Variants in MAMDC4 observed in about 807,000 individuals in gnomAD.
MAMDC4 encodes the protein apical endosomal glycoprotein.
A neutral mutation model predicts 153.3 loss-of-function variants in MAMDC4; 168 were observed. That is an observed-to-expected ratio of 1.10 (90% CI 0.97 to 1.25). MAMDC4 has a LOEUF of 1.25. Ranked by LOEUF, MAMDC4 falls within the 50% of genes most tolerant of loss-of-function variation. The pLI, the probability that MAMDC4 is intolerant of heterozygous loss-of-function variation, is 0.00. For synonymous variants in MAMDC4, 744 were observed against 651.5 expected (o/e 1.14, Z -2.16); for missense variants, 1,701 against 1,542.8 (o/e 1.10, Z -1.72).
chr9:136,852,459 C>G lies in MAMDC4; in HGVS notation c.43C>G (p.Leu15Val). The change falls in exon 1 of 27, where the codon CTG (leucine) becomes GTG (valine). Residue 15 changes from leucine to valine, a missense_variant. Transcript: ENST00000317446. ...SHLLPALVLF[L>V]AGSSGWAWVP... ...CCTGCTGCCCGCCTTGGTCCTGTTC[C>G]TGGGTAAGTAGTCTGGTCCCACTCC... 11 of 1,610,148 alleles carry G rather than the reference C, an allele frequency of 6.8e-6. No individual in the cohort carries two copies. The highest frequency in any genetic ancestry group is 9.3e-6 in the Non-Finnish European group (11 of 1,179,962).
chr9:136,856,349 G>T (rs764036805), intron 14 of MAMDC4, 200 bp downstream of exon 14: 8 of 973,186 alleles, frequency 8.2e-6, no homozygotes, highest in Non-Finnish European at 1.0e-5. Context: ...GGTGGACAAG[G>T]TCCTTCTAGG....
intron 10 of MAMDC4, 40 bp from the exon 11 acceptor site, chr9:136,855,210 AGGGG>A: frequency 6.3e-7 from 1 of 1,577,432 alleles, no homozygotes; most frequent in African/African-American, 1.4e-5. Context: ...ACCAGACCCC[AGGGG>A]GAAATAGGCT....
intron 12 of MAMDC4, 36 bp from the exon 13 acceptor site, chr9:136,855,694 CTG>C: frequency 6.4e-7 from 1 of 1,570,948 alleles, no homozygotes; most frequent in Non-Finnish European, 8.6e-7. Flanking sequence ...GCTGAGGACT[CTG>C]AGGACTCTGC....
Position 136,860,692 on chromosome 9 carries a change from C to T in MAMDC4, c.*89C>T. 1.4e-6 allele frequency: 2 copies of T among 1,420,882 alleles called. No individual in the cohort carries two copies. The highest frequency in any genetic ancestry group is 2.0e-6 in the Non-Finnish European group (2 of 1,011,948). The allele number at this position is 1,420,882 out of a possible 1,614,324, so 88.0% of individuals were successfully genotyped here. On this transcript the variant is annotated 3_prime_UTR_variant, in exon 27 of 27. Coordinates refer to ENST00000317446, the MANE Select transcript of MAMDC4 (RefSeq NM_206920.3). ...GGACCGGACACCTGCCCCGCCCAGG[C>T]TGGGACAGGCTGCAGGTCTCAGGAT...
Position 136,858,822 on chromosome 9 carries a change from C to T in MAMDC4, c.2925C>T (p.Phe975=), listed in dbSNP as rs1217245155. 2.5e-6 allele frequency: 4 copies of T among 1,610,462 alleles called. No homozygotes were observed. Among genetic ancestry groups the T allele is most frequent in the Non-Finnish European group, 3.4e-6 (4 of 1,178,792 alleles). Residue 975 remains phenylalanine, a synonymous_variant, in exon 23 of 27, where the codon TTC becomes TTT. Coordinates refer to ENST00000317446, the MANE Select transcript of MAMDC4 (RefSeq NM_206920.3). ...LPATPASCLR[F]WYHMGFPEHF... ...CCACCCCAGCCTCCTGCCTCCGCTT[C>T]TGGTACCACATGGGTTTTCCTGAGC... is the stretch of plus-strand genomic sequence containing the variant.
At position 136,859,932 on chromosome 9, in the gene MAMDC4, C is replaced by T. The variant is rs1189892024; in HGVS notation, c.3240C>T (p.Ala1080=). Reference sequence around the variant, plus strand: ...CTGTGCCAGCTGTGGTTGGCAGTGCCCTCCTATTGCTCATGCTCCTGGTGC... The same window carrying T: ...CTGTGCCAGCTGTGGTTGGCAGTGCTCTCCTATTGCTCATGCTCCTGGTGC... The part of the protein sequence containing the change: ...PGSVPAVVGS[A]LLLLMLLVLL... The change falls in exon 26 of 27, where the codon GCC becomes GCT. Residue 1080 remains alanine, a synonymous_variant. Transcript: ENST00000317446. The T allele has an allele frequency of 1.2e-6, 2 of 1,612,350 alleles. No individual in the cohort carries two copies. The highest frequency in any genetic ancestry group is 1.3e-5 in the African/African-American group (1 of 74,910).
At position 136,857,149 on chromosome 9, in the gene MAMDC4, G is replaced by A. The variant is rs1476990532; in HGVS notation, c.1973-16G>A. On this transcript the variant is annotated splice_polypyrimidine_tract_variant and intron_variant, in intron 16 of 26. Coordinates refer to ENST00000317446, the MANE Select transcript of MAMDC4 (RefSeq NM_206920.3). ...ACAGGAGAGAGGTCAGTTATGGACT[G>A]GTCCCCTCCCTGCAGGGACTCTGCG... 7 of 1,612,066 alleles carry A rather than the reference G, an allele frequency of 4.3e-6. No homozygotes were observed. The highest frequency in any genetic ancestry group is 5.9e-6 in the Non-Finnish European group (7 of 1,179,674).
rs1292363890 is a variant in MAMDC4, at chr9:136,858,836, G to A, written c.2939G>A (p.Gly980Asp). 6.2e-7 allele frequency: 1 copy of A among 1,609,922 alleles called. No individual in the cohort carries two copies. The highest frequency in any genetic ancestry group is 8.5e-7 in the Non-Finnish European group (1 of 1,178,516). ...ASCLRFWYHMGFPEHFYKGEL... is the reference protein window; with the variant it reads ...ASCLRFWYHMDFPEHFYKGEL... The stretch of plus-strand genomic sequence containing the variant: ...TGCCTCCGCTTCTGGTACCACATGG[G>A]TTTTCCTGAGCACTTCTGTGAGTCC... Residue 980 changes from glycine (G) to aspartate (D), a missense_variant, in exon 23 of 27, where the codon GGT (glycine) becomes GAT (aspartate). Physicochemically the swap from Gly to Asp is moderately conservative, Grantham distance 94 (BLOSUM62 -1). Transcript: ENST00000317446.
chr9:136,858,394 C>G lies in MAMDC4; in HGVS notation c.2675-6C>G. 6.2e-7 allele frequency: 1 copy of G among 1,601,604 alleles called. No homozygotes were observed. Among genetic ancestry groups the G allele is most frequent in the Non-Finnish European group, 8.5e-7 (1 of 1,179,820 alleles). On this transcript the variant is annotated splice_polypyrimidine_tract_variant and splice_region_variant and intron_variant, in intron 21 of 26. Transcript: ENST00000317446. ...GCAGCACCACTCACCCACCCATGTC[C>G]TGCAGGTTCCTGTGATTTTGAGTCT...
chr9:136,856,556 GACC>G lies in MAMDC4; in HGVS notation c.1721-150_1721-148del, dbSNP rs201294944. Reference sequence around the variant, plus strand: ...CCCTGAGGGACTGTAGCCCCACAGTGACCACCGAGAGAGACAGAGGTTCCTGCT... The same window carrying G: ...CCCTGAGGGACTGTAGCCCCACAGTGACCGAGAGAGACAGAGGTTCCTGCT... On this transcript the variant is annotated intron_variant, in intron 14 of 26. Coordinates refer to ENST00000317446, the MANE Select transcript of MAMDC4 (RefSeq NM_206920.3). 842 of 824,626 alleles carry G rather than the reference GACC, an allele frequency of 1.0e-3. 7 individuals are homozygous for G. The African/African-American group carries it at 0.013, about 12-fold the overall frequency. The allele number at this position is 824,626 out of a possible 1,614,324, so 51.1% of individuals were successfully genotyped here.
intron 19 of MAMDC4, 22 bp from the exon 20 acceptor site, chr9:136,857,957 C>T: frequency 1.3e-6 from 2 of 1,490,298 alleles, no homozygotes; most frequent in Non-Finnish European, 1.8e-6. Context: ...ACACTGCTGA[C>T]CTGGGCCGCC....
chr9:136,856,789 G>C lies in MAMDC4; in HGVS notation c.1800G>C (p.Glu600Asp). 1 of 1,611,680 alleles carries C rather than the reference G, an allele frequency of 6.2e-7. No individual in the cohort carries two copies. Among genetic ancestry groups the C allele is most frequent in the Non-Finnish European group, 8.5e-7 (1 of 1,179,478 alleles). ...CAGACACACACTGGCGCTGGGTGGA[G>C]AGCCGCGGCCCTGACCACGACCACA... Reference protein sequence around the residue: ...HLSDTHWRWVESRGPDHDHTT... With the variant: ...HLSDTHWRWVDSRGPDHDHTT... Residue 600 changes from glutamate to aspartate, a missense_variant, in exon 15 of 27, where the codon GAG becomes GAC. Transcript: ENST00000317446.
In MAMDC4 at chr9:136,856,002, C is replaced by T. The variant is rs1221960905; in HGVS notation, c.1589-16C>T. The T allele has an allele frequency of 1.2e-6, 2 of 1,604,816 alleles. No homozygotes were observed. Among genetic ancestry groups the T allele is most frequent in the Non-Finnish European group, 1.7e-6 (2 of 1,175,446 alleles). ...CTGGAAGGGATGAGGCTCTGAGCAC[C>T]ATGCTCTTCCCCTAGGGCACTTCCT... On this transcript the variant is annotated splice_polypyrimidine_tract_variant and intron_variant, in intron 13 of 26. Coordinates refer to ENST00000317446, the MANE Select transcript of MAMDC4 (RefSeq NM_206920.3).
Position 136,856,723 on chromosome 9 carries a change from CTT to C in MAMDC4, c.1736_1737del (p.Phe579Ter). 12 of 1,612,716 alleles carry C rather than the reference CTT, an allele frequency of 7.4e-6. No homozygotes were observed. The highest frequency in any genetic ancestry group is 9.3e-6 in the Non-Finnish European group (11 of 1,179,886). On this transcript the variant is annotated frameshift_variant, in exon 15 of 27. Transcript: ENST00000317446. LOFTEE classifies it high-confidence loss of function. ...CCCCACCCCCAGAGGTCTCCTGTAA[CTT>C]TGAGCGGGACACATGCAGCTGGTAC... is the stretch of plus-strand genomic sequence containing the variant. ...QSQPREVSCN[F>X]ERDTCSWYPG...
chr9:136,852,981 T>G (rs1468171464), intron 1 of MAMDC4, 121 bp from the exon 2 acceptor site: 1 of 799,060 alleles, frequency 1.3e-6, no homozygotes, highest in African/African-American at 1.7e-5. Flanking sequence ...CTGCTCCATC[T>G]CCTGGTCTGA....
In MAMDC4 at chr9:136,855,440, C is replaced by T; in HGVS notation, c.1292C>T (p.Thr431Ile). 1 of 1,609,522 alleles carries T rather than the reference C, an allele frequency of 6.2e-7. No individual in the cohort carries two copies. Among genetic ancestry groups the T allele is most frequent in the Non-Finnish European group, 8.5e-7 (1 of 1,178,440 alleles). The change falls in exon 12 of 27, where the codon ACC (threonine) becomes ATC (isoleucine). Residue 431 changes from threonine (T) to isoleucine (I), a missense_variant. By Grantham distance (89) the Thr-to-Ile change is moderately conservative. Coordinates refer to ENST00000317446, the MANE Select transcript of MAMDC4 (RefSeq NM_206920.3). ...DHCRPVSEVSTLQPLPPGPRA... is the reference protein window; with the variant it reads ...DHCRPVSEVSILQPLPPGPRA... ...AGTTCTGCCCCCACAGAGGTGTCCA[C>T]CCTGCAGCCGCTGCCTCCTGGGCCC... is the stretch of plus-strand genomic sequence containing the variant.
intron 14 of MAMDC4, 88 bp from the exon 15 acceptor site, chr9:136,856,622 T>TC: frequency 7.7e-7 from 1 of 1,292,020 alleles, no homozygotes. Flanking sequence ...CCCCTTACAC[T>TC]CCTCCAGGGA....
intron 22 of MAMDC4, 27 bp downstream of exon 22, chr9:136,858,573 G>A (rs1849042253): frequency 6.4e-7 from 1 of 1,564,456 alleles, no homozygotes; most frequent in Non-Finnish European, 8.7e-7. Flanking sequence ...GCCAGGTGGG[G>A]AGGCACACAC....
chr9:136,857,907 A>G, intron 19 of MAMDC4, 72 bp from the exon 20 acceptor site: 1 of 1,476,940 alleles, frequency 6.8e-7, no homozygotes, highest in African/African-American at 1.4e-5. Context: ...CCAGGCTGGG[A>G]GCCTGGGAGC....
Sources: gnomAD v4.1 joint callset for allele counts on GRCh38, gnomAD v4.1.1 for gene constraint, MANE v1.5 for transcripts, NCBI Gene and HGNC (gene_info 2026-07-23, HGNC 2026-07-21) for gene names.